The following SEPTIN11 variants were observed in gnomAD, a reference collection of about 807,000 sequenced individuals.
The protein encoded by SEPTIN11 is septin 11.
Under a neutral mutation model 51.4 loss-of-function variants are expected in SEPTIN11, and 25 were observed. The ratio of observed to expected loss-of-function variants is 0.49; its 90% CI spans 0.35 to 0.68. The LOEUF (loss-of-function observed/expected upper bound fraction) is 0.68. Among genes scored for constraint, SEPTIN11 ranks in the 30% least tolerant of loss-of-function variants. SEPTIN11 has a pLI of 0.00. For missense variants in SEPTIN11, 381 were observed against 520.8 expected (o/e 0.73, Z 2.61); for synonymous variants, 174 against 184.1 (o/e 0.95, Z 0.44).
intron 1 of SEPTIN11, among the ~76,000 whole-genome samples, chr4:76,961,408 CA>C (rs1721820193): frequency 6.6e-6 from 1 of 152,188 alleles, no homozygotes; most frequent in Admixed American, 6.5e-5. Flanking sequence ...ATTTCCGCTA[CA>C]AAACATTCTG....
intron 1 of SEPTIN11, among the ~76,000 whole-genome samples, chr4:76,989,377 G>A (rs2055209): frequency 0.52 from 79,742 of 152,008 alleles, 21,762 homozygotes; most frequent in Middle Eastern, 0.62. Context: ...TATTGCTTTC[G>A]AATGGAAACG....
chr4:76,968,613 G>C (rs2109897714), intron 1 of SEPTIN11, among the ~76,000 whole-genome samples: 2 of 152,240 alleles, frequency 1.3e-5, no homozygotes, highest in South Asian at 4.1e-4. Context: ...AATTTCTGTT[G>C]TTTTTGTTAT....
At chr4:76,979,116 G>A (rs1292887672) in intron 1 of SEPTIN11, among the ~76,000 whole-genome samples, 1 of 152,194 alleles carries the variant, frequency 6.6e-6, no homozygotes, top group Non-Finnish European at 1.5e-5. Context: ...TACTTGTGAT[G>A]TCATGGTACA....
At position 77,016,633 on chromosome 4, in the gene SEPTIN11, CATATATATAT is replaced by C. The variant is rs1234653472; in HGVS notation, c.687+1630_687+1639del. On this transcript the variant is annotated intron_variant, in intron 5 of 9. Transcript: ENST00000264893. ...ATATACACATATATATATATATACA[CATATATATAT>C]ATATATATATATACACATATATATA... is the stretch of plus-strand genomic sequence containing the variant. Among the ~76,000 whole-genome samples the C allele has an allele frequency of 6.6e-3, 480 of 72,752 alleles. 12 individuals are homozygous for C. Among genetic ancestry groups the C allele is most frequent in the African/African-American group, 0.024 (452 of 19,086 alleles). The allele number at this position is 72,752 out of a possible 152,430, so 47.7% of individuals were successfully genotyped here.
At position 77,036,090 on chromosome 4, in the gene SEPTIN11, T is replaced by G. The variant is rs970346531; in HGVS notation, c.*1578T>G. ...AGATTTTTTCTCCTTTTCTTTGTCC[T>G]CAACCATACTTAGAGGAAAGAAGGA... On this transcript the variant is annotated 3_prime_UTR_variant, in exon 10 of 10. Coordinates refer to ENST00000264893, the MANE Select transcript of SEPTIN11 (RefSeq NM_018243.4). The G allele has an allele frequency of 2.0e-6, 2 of 985,804 alleles. No individual in the cohort carries two copies. The highest frequency in any genetic ancestry group is 1.7e-5 in the African/African-American group (1 of 57,228). 61.1% of individuals were successfully genotyped at this position (985,804 alleles called of 1,614,324 possible).
intron 1 of SEPTIN11, among the ~76,000 whole-genome samples, chr4:76,970,719 C>T (rs1018814240): frequency 3.3e-5 from 5 of 152,204 alleles, no homozygotes; most frequent in Admixed American, 1.3e-4. Context: ...ATAATTTACT[C>T]CTATCAATCA....
chr4:76,961,080 TC>T (rs1721809177), intron 1 of SEPTIN11, among the ~76,000 whole-genome samples: 1 of 152,186 alleles, frequency 6.6e-6, no homozygotes, highest in South Asian at 2.1e-4. Context: ...ATGCTCAACC[TC>T]CATGACTGGG....
chr4:76,969,773 A>G (rs1722167810), intron 1 of SEPTIN11, among the ~76,000 whole-genome samples: 1 of 152,174 alleles, frequency 6.6e-6, no homozygotes, highest in South Asian at 2.1e-4. Context: ...ACTTTAAACC[A>G]GAGGGTTAGT....
intron 7 of SEPTIN11, among the ~76,000 whole-genome samples, chr4:77,023,359 A>C (rs1007364995): frequency 4.7e-5 from 7 of 147,704 alleles, no homozygotes; most frequent in African/African-American, 1.7e-4. Context: ...TATATGATAT[A>C]ATTATATAAT....
intron 7 of SEPTIN11, 43 bp downstream of exon 7, chr4:77,020,713 G>A (rs1257801806): frequency 1.3e-5 from 21 of 1,576,702 alleles, no homozygotes; most frequent in Admixed American, 3.5e-5. Context: ...AGACAGTGGC[G>A]AGAGTGGCAT....
intron 1 of SEPTIN11, chr4:76,974,941 G>A (rs1722419218): frequency 4.5e-6 from 2 of 446,178 alleles, no homozygotes. Context: ...TGGCCAAAAT[G>A]ACAAGACCCC....
intron 1 of SEPTIN11, among the ~76,000 whole-genome samples, chr4:76,992,091 GTTAC>G (rs1188923189): frequency 1.3e-5 from 2 of 152,320 alleles, no homozygotes; most frequent in East Asian, 1.9e-4. Context: ...AGGTCTTATA[GTTAC>G]TTACTTAGTG....
chr4:76,974,227 T>G (rs1722381202), intron 1 of SEPTIN11, among the ~76,000 whole-genome samples: 2 of 152,330 alleles, frequency 1.3e-5, no homozygotes, highest in East Asian at 3.9e-4. Context: ...AGATGTCCCG[T>G]GACTCTTCCT....
chr4:76,992,521 G>A (rs1473571973), intron 1 of SEPTIN11, among the ~76,000 whole-genome samples: 2 of 152,056 alleles, frequency 1.3e-5, no homozygotes, highest in Non-Finnish European at 1.5e-5. Context: ...GTTACTAAAC[G>A]GTGCCTCTGT....
Position 76,954,766 on chromosome 4 carries a change from G to A in SEPTIN11, c.27+4836G>A, listed in dbSNP as rs12648488. 1.0e-3 allele frequency among the ~76,000 whole-genome samples: 158 copies of A among 152,300 alleles called. No homozygotes were observed. In the East Asian group the frequency reaches 0.012, roughly 11 times the overall value. On this transcript the variant is annotated intron_variant, in intron 1 of 9. Transcript: ENST00000264893. ...CGACGCCAATGAGTGTGAGCACATC[G>A]CTCAAGCCAAATGGCACAGGAAGTC...
intron 5 of SEPTIN11, among the ~76,000 whole-genome samples, chr4:77,017,496 G>A (rs866623406): frequency 3.3e-5 from 5 of 152,134 alleles, no homozygotes; most frequent in Non-Finnish European, 7.4e-5. Flanking sequence ...TCAACTTCAG[G>A]GGAAACAATA....
chr4:77,010,811 G>A (rs377058166), intron 3 of SEPTIN11, among the ~76,000 whole-genome samples: 8 of 139,928 alleles, frequency 5.7e-5, no homozygotes, highest in African/African-American at 1.9e-4. Context: ...CAGTCTCTTT[G>A]TTGCTAAAAC....
At chr4:77,039,810 TTTTA>T (rs1453457145), downstream of SEPTIN11, 6 of 896,824 alleles carry the variant, frequency 6.7e-6, no homozygotes, top group East Asian at 5.9e-4. Flanking sequence ...ACCACTGTTG[TTTTA>T]TTTGACTTTT....
intron 1 of SEPTIN11, among the ~76,000 whole-genome samples, chr4:76,955,668 C>T (rs1721528689): frequency 6.6e-6 from 1 of 152,216 alleles, no homozygotes; most frequent in Non-Finnish European, 1.5e-5. Flanking sequence ...ACTAATTCTT[C>T]AGGATTCAAT....
Sources: allele counts gnomAD v4.1 joint callset (sites outside exome capture counted in the v4.1 genomes callset), GRCh38; gene constraint gnomAD v4.1.1; transcripts MANE v1.5; gene names NCBI Gene and HGNC (gene_info 2026-07-23, HGNC 2026-07-21).